Variants in ITSN1 observed in about 807,000 individuals in gnomAD.
The protein encoded by ITSN1 is intersectin-1.
In ITSN1, 58 loss-of-function variants were observed where a neutral mutation model predicts 239.8. That is an observed-to-expected ratio of 0.24 (90% confidence interval 0.20 to 0.30). The LOEUF is 0.30. Ranked by LOEUF, ITSN1 falls within the 10% of genes least tolerant of loss-of-function variation. ITSN1 has a pLI of 1.00. For missense variants in ITSN1, 1,558 were observed against 2,103.3 expected, an observed-to-expected ratio of 0.74 and a Z score of 5.07; for synonymous variants, 780 against 770.8, an observed-to-expected ratio of 1.01 and a Z score of -0.20.
At chr21:33,775,194 A>G (rs1016563305) in intron 14 of ITSN1, 86 bp downstream of exon 14, 7 of 1,407,174 alleles carry the variant, frequency 5.0e-6, no homozygotes, top group Non-Finnish European at 6.8e-6. Flanking sequence ...TATTCAGTAA[A>G]CATTAAGCAA....
intron 34 of ITSN1, among the ~76,000 whole-genome samples, chr21:33,876,663 A>G (rs975962965): frequency 2.4e-4 from 36 of 152,338 alleles, no homozygotes; most frequent in African/African-American, 8.4e-4. Flanking sequence ...TGCTTTGGGA[A>G]GTGGAGGCAG....
At chr21:33,734,093 AC>A (rs1219754210) in intron 4 of ITSN1, among the ~76,000 whole-genome samples, 5 of 152,230 alleles carry the variant, frequency 3.3e-5, no homozygotes, top group African/African-American at 1.2e-4. Flanking sequence ...TCTTTCAAAT[AC>A]ATTTTTCATA....
intron 1 of ITSN1, among the ~76,000 whole-genome samples, chr21:33,664,071 G>A (rs1334448308): frequency 1.3e-5 from 2 of 152,198 alleles, no homozygotes; most frequent in African/African-American, 4.8e-5. Context: ...AAGGGATTCT[G>A]GAGCCAAGCT....
intron 35 of ITSN1, among the ~76,000 whole-genome samples, chr21:33,883,239 C>T (rs749864996): frequency 1.5e-4 from 23 of 152,154 alleles, no homozygotes; most frequent in Non-Finnish European, 2.8e-4. Context: ...AAATCGTGGG[C>T]GGGGGAACCC....
At chr21:33,655,015 T>C (rs1294674600) in intron 1 of ITSN1, among the ~76,000 whole-genome samples, 4 of 152,032 alleles carry the variant, frequency 2.6e-5, no homozygotes, top group African/African-American at 9.7e-5. Flanking sequence ...CTACCTTGTC[T>C]CTTTTTTTTT....
At chr21:33,730,249 G>C (rs1431275944) in intron 4 of ITSN1, among the ~76,000 whole-genome samples, 1 of 151,908 alleles carries the variant, frequency 6.6e-6, no homozygotes, top group Admixed American at 6.6e-5. Context: ...TCCACCCATT[G>C]TATTAGTTTC....
chr21:33,725,133 G>GTTTTTTTTTTTTTTTTTT (rs1171718411), intron 4 of ITSN1, among the ~76,000 whole-genome samples: 1 of 91,154 alleles, frequency 1.1e-5, no homozygotes, highest in Non-Finnish European at 2.0e-5. Context: ...TTTTTTTTTT[G>GTTTTTTTTTTTTTTTTTT]TTTTTTTTTT....
intron 1 of ITSN1, among the ~76,000 whole-genome samples, chr21:33,676,228 C>G (rs1425071592): frequency 6.6e-6 from 1 of 152,074 alleles, no homozygotes; most frequent in East Asian, 1.9e-4. Context: ...GGTGATCCCT[C>G]CGCTTCGGCC....
rs58696981 is a variant in ITSN1, at chr21:33,711,652, T to TTGTGTG, written c.-32-7111_-32-7106dup. 4.4e-3 allele frequency among the ~76,000 whole-genome samples: 593 copies of TTGTGTG among 134,876 alleles called. 2 individuals carry two copies. Among genetic ancestry groups the TTGTGTG allele is most frequent in the Middle Eastern group, 0.011 (3 of 262 alleles). The allele number at this position is 134,876 out of a possible 152,430, so 88.5% of individuals were successfully genotyped here. A position where few individuals can be genotyped will look rare whatever the true frequency, so the allele number is the denominator to read the frequency against. ...TTTTGGCTATGTCTTTTTCTGTGTG[T>TTGTGTG]TGTGTGTGTGTGTGTGTGTGTGTGT... On this transcript the variant is annotated intron_variant, in intron 1 of 39. Transcript: ENST00000381318.
chr21:33,674,197 T>G (rs1272185589), intron 1 of ITSN1, among the ~76,000 whole-genome samples: 1 of 152,260 alleles, frequency 6.6e-6, no homozygotes, highest in Non-Finnish European at 1.5e-5. Context: ...AGGTATGATT[T>G]TCTTTTACTG....
chr21:33,778,960 C>T (rs923427112), intron 14 of ITSN1, among the ~76,000 whole-genome samples: 3 of 151,944 alleles, frequency 2.0e-5, no homozygotes, highest in Admixed American at 2.0e-4. Flanking sequence ...TAATTTGTGT[C>T]CTCTCACTCT....
chr21:33,686,347 T>C (rs1222696248), intron 1 of ITSN1, among the ~76,000 whole-genome samples: 1 of 152,088 alleles, frequency 6.6e-6, no homozygotes, highest in Non-Finnish European at 1.5e-5. Context: ...TCACTAGAAA[T>C]ATATATATAT....
chr21:33,818,536 C>T (rs1254176759), intron 23 of ITSN1, 64 bp downstream of exon 23: 8 of 1,364,650 alleles, frequency 5.9e-6, no homozygotes, highest in Non-Finnish European at 7.3e-6. Flanking sequence ...TTACTGTTTG[C>T]ACTAGTTAAG....
Position 33,654,710 on chromosome 21 carries a change from G to A in ITSN1, c.-33+11997G>A, listed in dbSNP as rs1417766665. Reference sequence around the variant, plus strand: ...AGGATTTGGCCTTAATATGCTCAAGGACCCTAAGTAAAGGATTGGGAGTTA... The same window carrying A: ...AGGATTTGGCCTTAATATGCTCAAGAACCCTAAGTAAAGGATTGGGAGTTA... On this transcript the variant is annotated intron_variant, in intron 1 of 39. Transcript: ENST00000381318. Among the ~76,000 whole-genome samples the A allele has an allele frequency of 2.0e-5, 3 of 152,266 alleles. No homozygotes were observed. The East Asian group carries it at 5.8e-4, about 29-fold the overall frequency.
intron 29 of ITSN1, among the ~76,000 whole-genome samples, chr21:33,850,795 C>G (rs2075136299): frequency 6.6e-6 from 1 of 152,212 alleles, no homozygotes; most frequent in African/African-American, 2.4e-5. Flanking sequence ...CACCCCACAC[C>G]TACCAGGAGA....
intron 30 of ITSN1, 145 bp downstream of exon 30, chr21:33,857,002 G>A (rs1043902063): frequency 1.4e-6 from 1 of 734,854 alleles, no homozygotes; most frequent in Non-Finnish European, 2.2e-6. Context: ...AAATGCTATA[G>A]GAGATTGCGA....
chr21:33,830,114 C>T (rs1312287133), intron 27 of ITSN1, among the ~76,000 whole-genome samples: 1 of 152,200 alleles, frequency 6.6e-6, no homozygotes, highest in Non-Finnish European at 1.5e-5. Flanking sequence ...GATTTCTTTG[C>T]ATTCAAAGCC....
chr21:33,679,304 AT>A (rs1232327532), intron 1 of ITSN1, among the ~76,000 whole-genome samples: 1 of 152,134 alleles, frequency 6.6e-6, no homozygotes, highest in Non-Finnish European at 1.5e-5. Context: ...CTAGTTGATG[AT>A]GTCTGTGCTT....
At chr21:33,863,294 C>G (rs1315666280) in intron 31 of ITSN1, among the ~76,000 whole-genome samples, 1 of 152,230 alleles carries the variant, frequency 6.6e-6, no homozygotes, top group African/African-American at 2.4e-5. Context: ...TCAAGACAAT[C>G]ACTGTCTGCA....
Sources: allele counts gnomAD v4.1 joint callset (sites outside exome capture counted in the v4.1 genomes callset), GRCh38; gene constraint gnomAD v4.1.1; transcripts MANE v1.5; gene names NCBI Gene and HGNC (gene_info 2026-07-23, HGNC 2026-07-21).